Variants in ERBIN observed in about 807,000 individuals in gnomAD.
ERBIN encodes densin-180-like protein.
In ERBIN, 60 loss-of-function variants were observed where a neutral mutation model predicts 158.4. The observed-to-expected ratio is 0.38, with a 90% CI of 0.31 to 0.47. The LOEUF (loss-of-function observed/expected upper bound fraction) is 0.47. Among genes scored for constraint, ERBIN ranks in the 20% least tolerant of loss-of-function variants. The pLI is 0.99. For synonymous variants in ERBIN, 594 were observed against 557.2 expected, an observed-to-expected ratio of 1.07 and a Z score of -0.93; for missense variants, 1,610 against 1,648.0, an observed-to-expected ratio of 0.98 and a Z score of 0.40.
At chr5:65,986,855 G>A (rs1028970254) in intron 1 of ERBIN, among the ~76,000 whole-genome samples, 49 of 152,138 alleles carry the variant, frequency 3.2e-4, no homozygotes, top group African/African-American at 1.2e-3. Flanking sequence ...ATAGAGAATA[G>A]TTAGCATTAA....
intron 20 of ERBIN, among the ~76,000 whole-genome samples, chr5:66,052,264 A>C (rs950449640): frequency 2.0e-5 from 3 of 151,932 alleles, no homozygotes; most frequent in Admixed American, 1.3e-4. Flanking sequence ...TATTTTTAAT[A>C]GTCATTTAGA....
At chr5:66,041,644 T>G (rs566356171) in intron 15 of ERBIN, among the ~76,000 whole-genome samples, 22 of 152,138 alleles carry the variant, frequency 1.4e-4, no homozygotes, top group African/African-American at 5.3e-4. Context: ...ACCTTGGGCT[T>G]CTGAATAAAT....
At chr5:65,995,156 GA>G (rs1752283995) in intron 4 of ERBIN, among the ~76,000 whole-genome samples, 1 of 152,092 alleles carries the variant, frequency 6.6e-6, no homozygotes, top group African/African-American at 2.4e-5. Flanking sequence ...AAATGTAAGG[GA>G]TTTTTTTGTT....
chr5:66,023,898 C>T (rs959212078), intron 9 of ERBIN, among the ~76,000 whole-genome samples: 6 of 152,042 alleles, frequency 3.9e-5, no homozygotes, highest in African/African-American at 1.4e-4. Flanking sequence ...AGGATGGTCT[C>T]GATCTCCTGA....
Position 65,980,744 on chromosome 5 carries a change from G to C in ERBIN, c.-57-7891G>C, listed in dbSNP as rs369729708. On this transcript the variant is annotated intron_variant, in intron 1 of 25. Coordinates refer to ENST00000284037, the MANE Select transcript of ERBIN (RefSeq NM_001253697.2). ...CGGGAAAAAAAAAACCTCGTAATGT[G>C]AGAAGGATCCATTCACCAAGAAGAT... Among the ~76,000 whole-genome samples the C allele has an allele frequency of 7.9e-5, 12 of 151,906 alleles. No homozygotes were observed. The East Asian group carries it at 2.3e-3, about 29-fold the overall frequency.
At chr5:66,006,620 G>A (rs1298902012) in intron 4 of ERBIN, among the ~76,000 whole-genome samples, 2 of 151,986 alleles carry the variant, frequency 1.3e-5, no homozygotes, top group Non-Finnish European at 1.5e-5. Flanking sequence ...TACAGAATGG[G>A]AGAAAATTTT....
intron 4 of ERBIN, among the ~76,000 whole-genome samples, chr5:66,007,511 C>T (rs1351547633): frequency 4.0e-5 from 6 of 149,680 alleles, no homozygotes; most frequent in Admixed American, 1.3e-4. Flanking sequence ...CAAACCTGCA[C>T]GTTGTGCACA....
chr5:66,021,443 A>G, intron 8 of ERBIN, 58 bp downstream of exon 8: 2 of 1,180,668 alleles, frequency 1.7e-6, no homozygotes, highest in South Asian at 1.4e-5. Flanking sequence ...AGAACAAAAT[A>G]TGAAAATTAA....
intron 1 of ERBIN, among the ~76,000 whole-genome samples, chr5:65,939,279 A>G (rs1051946829): frequency 1.1e-4 from 17 of 152,260 alleles, no homozygotes; most frequent in Non-Finnish European, 8.8e-5. Flanking sequence ...TCTACTAAAA[A>G]TACGAAAATT....
chr5:65,928,611 C>G (rs1256052758), intron 1 of ERBIN, among the ~76,000 whole-genome samples: 1 of 151,958 alleles, frequency 6.6e-6, no homozygotes, highest in East Asian at 1.9e-4. Context: ...AGATTTAGTT[C>G]TTGATTTTTT....
chr5:65,928,681 T>C (rs1359895903), intron 1 of ERBIN, among the ~76,000 whole-genome samples: 1 of 152,222 alleles, frequency 6.6e-6, no homozygotes, highest in African/African-American at 2.4e-5. Context: ...AGTGAGGTGT[T>C]CACCTTTGTG....
At chr5:65,995,833 A>G (rs773668884) in intron 4 of ERBIN, among the ~76,000 whole-genome samples, 5 of 152,080 alleles carry the variant, frequency 3.3e-5, no homozygotes, top group African/African-American at 4.8e-5. Context: ...ATCTCACTGT[A>G]GATTTAATTT....
At position 66,054,655 on chromosome 5, in the gene ERBIN, G is replaced by T; in HGVS notation, c.3337G>T (p.Ala1113Ser). The T allele has an allele frequency of 6.2e-7, 1 of 1,614,166 alleles. No individual in the cohort carries two copies. The highest frequency in any genetic ancestry group is 8.5e-7 in the Non-Finnish European group (1 of 1,180,022). The change falls in exon 21 of 26, where the codon GCG (alanine) becomes TCG (serine). Residue 1113 changes from alanine (A) to serine (S), a missense_variant. Ala to Ser is a moderately conservative substitution (Grantham distance 99). Around this residue, in one of 2 missense-constraint regions of ERBIN, gnomAD observed 1,014 missense variants for 936.1 expected, o/e 1.08. Transcript: ENST00000284037. ...DYLSYREFHS[A>S]GRTPPMMPGS... Reference sequence around the variant, plus strand: ...TTTATCATACAGAGAGTTCCACTCAGCGGGAAGAACTCCTCCAATGATGCC... The same window carrying T: ...TTTATCATACAGAGAGTTCCACTCATCGGGAAGAACTCCTCCAATGATGCC...
chr5:65,962,119 G>A (rs1472281076), intron 1 of ERBIN, among the ~76,000 whole-genome samples: 1 of 152,176 alleles, frequency 6.6e-6, no homozygotes, highest in Non-Finnish European at 1.5e-5. Flanking sequence ...ATTTGTAAAT[G>A]TATAATGTAT....
At chr5:65,978,870 C>G (rs1750329931) in intron 1 of ERBIN, among the ~76,000 whole-genome samples, 1 of 152,162 alleles carries the variant, frequency 6.6e-6, no homozygotes, top group Non-Finnish European at 1.5e-5. Flanking sequence ...ATTTGGGACC[C>G]TGTTGGACTT....
chr5:65,949,053 C>T (rs989748476), intron 1 of ERBIN, among the ~76,000 whole-genome samples: 3 of 151,944 alleles, frequency 2.0e-5, no homozygotes, highest in African/African-American at 4.8e-5. Flanking sequence ...TTTGAGCCAC[C>T]GTGCCTGGCC....
intron 1 of ERBIN, among the ~76,000 whole-genome samples, chr5:65,963,337 C>G (rs187406155): frequency 6.6e-6 from 1 of 152,308 alleles, no homozygotes; most frequent in East Asian, 1.9e-4. Flanking sequence ...ATGGAATTCT[C>G]AAGTTATCAC....
intron 1 of ERBIN, among the ~76,000 whole-genome samples, chr5:65,940,880 G>A (rs1226882097): frequency 1.3e-5 from 2 of 152,150 alleles, no homozygotes; most frequent in Admixed American, 6.5e-5. Context: ...AGAAAGGGGG[G>A]AAAGGCGGGG....
At chr5:65,997,862 T>G (rs1752600131) in intron 4 of ERBIN, among the ~76,000 whole-genome samples, 1 of 152,150 alleles carries the variant, frequency 6.6e-6, no homozygotes, top group Admixed American at 6.5e-5. Context: ...TAGGGCTTAT[T>G]AGAATTCATC....
Sources: allele counts gnomAD v4.1 joint callset (sites outside exome capture counted in the v4.1 genomes callset), GRCh38; gene constraint gnomAD v4.1.1; regional missense constraint gnomAD v4.1.1; transcripts MANE v1.5; gene names NCBI Gene and HGNC (gene_info 2026-07-23, HGNC 2026-07-21).